Variants in EXOC6B observed in about 807,000 individuals in gnomAD.
The protein encoded by EXOC6B is exocyst complex component 6B.
EXOC6B carries 54 observed loss-of-function variants against 113.5 expected under a neutral mutation model. That is an observed-to-expected ratio of 0.48 (90% CI 0.38 to 0.60). EXOC6B has a LOEUF of 0.60. Among genes scored for constraint, EXOC6B ranks in the 20% least tolerant of loss-of-function variants. The probability of loss-of-function intolerance (pLI) is 0.00; values close to 1 mark genes in which losing one functional copy is unlikely to be tolerated. For synonymous variants in EXOC6B, 357 were observed against 339.0 expected (o/e 1.05, Z -0.58); for missense variants, 797 against 977.5 (o/e 0.82, Z 2.46).
chr2:72,181,991 C>T (rs982830043), intron 21 of EXOC6B, among the ~76,000 whole-genome samples: 12 of 152,148 alleles, frequency 7.9e-5, no homozygotes, highest in African/African-American at 2.2e-4. Flanking sequence ...CTTTCTGTTT[C>T]GCCCTGCTAA....
intron 20 of EXOC6B, among the ~76,000 whole-genome samples, chr2:72,209,263 G>C (rs796598609): frequency 8.2e-6 from 1 of 122,044 alleles, no homozygotes; most frequent in Non-Finnish European, 1.8e-5. Flanking sequence ...GAAAAGAAAA[G>C]AAAAGAAAAA....
chr2:72,323,978 T>A (rs1039760229), intron 20 of EXOC6B, among the ~76,000 whole-genome samples: 3 of 151,008 alleles, frequency 2.0e-5, no homozygotes, highest in African/African-American at 4.9e-5. Flanking sequence ...GAATTTAAAG[T>A]ATAATCAAAA....
chr2:72,365,445 T>C (rs1690561016), intron 19 of EXOC6B, among the ~76,000 whole-genome samples: 1 of 152,070 alleles, frequency 6.6e-6, no homozygotes, highest in African/African-American at 2.4e-5. Context: ...GACATAATGA[T>C]ACTGAGAGCA....
chr2:72,679,168 G>T (rs1676520878), intron 6 of EXOC6B, among the ~76,000 whole-genome samples: 1 of 152,026 alleles, frequency 6.6e-6, no homozygotes, highest in Non-Finnish European at 1.5e-5. Context: ...CTGGGTTCAA[G>T]CGATTCTCCT....
chr2:72,393,078 G>T (rs1292020866), intron 18 of EXOC6B, among the ~76,000 whole-genome samples: 1 of 150,988 alleles, frequency 6.6e-6, no homozygotes, highest in Non-Finnish European at 1.5e-5. Flanking sequence ...TGGTTTTTTT[G>T]TTTGTTTGTT....
rs745543998 is a variant in EXOC6B, at chr2:72,512,314, C to CGGAAGGAA, written c.1167+810_1167+817dup. On this transcript the variant is annotated intron_variant, in intron 11 of 21. Transcript: ENST00000272427. ...AAGCATAATCAATCTTTAAGAAACA[C>CGGAAGGAA]GGAAGGAAGGAAGGAAGGAAGGAAG... 3.1e-4 allele frequency among the ~76,000 whole-genome samples: 33 copies of CGGAAGGAA among 107,620 alleles called. 1 individual carries two copies. The highest frequency in any genetic ancestry group is 5.4e-3 in the Middle Eastern group (1 of 186). The allele number at this position is 107,620 out of a possible 152,430, so 70.6% of individuals were successfully genotyped here. A position where few individuals can be genotyped will look rare whatever the true frequency, so the allele number is the denominator to read the frequency against.
intron 8 of EXOC6B, among the ~76,000 whole-genome samples, chr2:72,532,466 T>C (rs143909263): frequency 9.2e-5 from 14 of 152,280 alleles, no homozygotes; most frequent in African/African-American, 3.4e-4. Context: ...ATATTTCCTT[T>C]AATTCAATTT....
intron 1 of EXOC6B, among the ~76,000 whole-genome samples, chr2:72,809,783 C>T (rs1685778173): frequency 6.6e-6 from 1 of 152,100 alleles, no homozygotes; most frequent in Admixed American, 6.5e-5. Context: ...GATAATTCCA[C>T]AATTATACAT....
At chr2:72,633,940 G>C (rs910292379) in intron 6 of EXOC6B, among the ~76,000 whole-genome samples, 1 of 152,118 alleles carries the variant, frequency 6.6e-6, no homozygotes, top group African/African-American at 2.4e-5. Context: ...GATTGCTGAG[G>C]ATCAAGAAAG....
At chr2:72,191,047 T>C (rs77389649) in intron 20 of EXOC6B, among the ~76,000 whole-genome samples, 3,441 of 152,326 alleles carry the variant, frequency 0.023, 114 homozygotes, top group African/African-American at 0.076. Flanking sequence ...ACAGGGGAAC[T>C]AAACTAGTGT....
intron 17 of EXOC6B, among the ~76,000 whole-genome samples, chr2:72,468,025 C>T (rs1237724411): frequency 6.6e-6 from 1 of 152,168 alleles, no homozygotes; most frequent in South Asian, 2.1e-4. Context: ...CCTGCCTCAG[C>T]CTCCTAAAGT....
rs116177670 is a variant in EXOC6B at position 72,541,309 on chromosome 2, G to A, written c.915+18144C>T. Among the ~76,000 whole-genome samples, 573 of 152,222 alleles carry A rather than the reference G, an allele frequency of 3.8e-3. 4 individuals are homozygous for A. Among genetic ancestry groups the A allele is most frequent in the African/African-American group, 0.013 (521 of 41,534 alleles). On this transcript the variant is annotated intron_variant, in intron 8 of 21. Transcript: ENST00000272427. ...AACTTCTTTTTCTTCCCAGTCTTGG[G>A]TTATGTCTTTATCAGCAATGTGAAA...
intron 1 of EXOC6B, among the ~76,000 whole-genome samples, chr2:72,773,654 T>C (rs1157179252): frequency 6.6e-6 from 1 of 152,058 alleles, no homozygotes; most frequent in East Asian, 1.9e-4. Context: ...AAATTAACAA[T>C]GAACCCACTA....
intron 18 of EXOC6B, among the ~76,000 whole-genome samples, chr2:72,443,812 G>A (rs1356699352): frequency 6.6e-6 from 1 of 152,060 alleles, no homozygotes; most frequent in African/African-American, 2.4e-5. Context: ...CCTCCTACTG[G>A]GTCCCTCCCA....
At chr2:72,490,224 GA>G (rs1212315178) in intron 16 of EXOC6B, among the ~76,000 whole-genome samples, 4 of 151,958 alleles carry the variant, frequency 2.6e-5, no homozygotes, top group African/African-American at 7.3e-5. Context: ...TAGGTTTGGG[GA>G]AAAAAACCTA....
At chr2:72,243,510 C>T (rs1682458607) in intron 20 of EXOC6B, among the ~76,000 whole-genome samples, 1 of 152,078 alleles carries the variant, frequency 6.6e-6, no homozygotes, top group Non-Finnish European at 1.5e-5. Flanking sequence ...ACCAAACACC[C>T]CATGTTCTCA....
chr2:72,653,457 A>G (rs1208917199), intron 6 of EXOC6B, among the ~76,000 whole-genome samples: 3 of 147,854 alleles, frequency 2.0e-5, no homozygotes, highest in Admixed American at 6.7e-5. Flanking sequence ...CCTAATGCTA[A>G]ATGACGAGTT....
intron 18 of EXOC6B, among the ~76,000 whole-genome samples, chr2:72,385,917 G>A (rs973646631): frequency 6.6e-6 from 1 of 152,140 alleles, no homozygotes; most frequent in Admixed American, 6.5e-5. Context: ...TGGTGGAAAT[G>A]TAAATTAGTA....
In EXOC6B at chr2:72,403,846, G is replaced by A. The variant is rs114947762; in HGVS notation, c.1981-23976C>T. On this transcript the variant is annotated intron_variant, in intron 18 of 21. Coordinates refer to ENST00000272427, the MANE Select transcript of EXOC6B (RefSeq NM_015189.3). The stretch of plus-strand genomic sequence containing the variant: ...GGTACCGGGTTCATCTCAGTGGGGG[G>A]TGTCAGACAGAGGGTGCAGGACAGT... Among the ~76,000 whole-genome samples, 958 of 152,260 alleles carry A rather than the reference G, an allele frequency of 6.3e-3. 12 individuals are homozygous for A. Among genetic ancestry groups the A allele is most frequent in the African/African-American group, 0.022 (918 of 41,556 alleles).
Sources: gnomAD v4.1 joint callset for allele counts (sites outside exome capture counted in the v4.1 genomes callset) on GRCh38, gnomAD v4.1.1 for gene constraint, MANE v1.5 for transcripts, NCBI Gene and HGNC (gene_info 2026-07-23, HGNC 2026-07-21) for gene names.